The following LRCH3 variants were observed in gnomAD, a reference collection of about 807,000 sequenced individuals.
LRCH3 encodes DISP complex protein LRCH3.
Under a neutral mutation model 104.5 loss-of-function variants are expected in LRCH3, and 68 were observed. That is an observed-to-expected ratio of 0.65 (90% CI 0.54 to 0.80). The LOEUF (loss-of-function observed/expected upper bound fraction) is 0.80. LRCH3 is among the 30% of genes least tolerant of loss of function. The pLI is 0.00. For missense variants in LRCH3, 951 were observed against 953.9 expected, an observed-to-expected ratio of 1.00 and a Z score of 0.04; for synonymous variants, 344 against 361.3, an observed-to-expected ratio of 0.95 and a Z score of 0.54.
rs60914773 is a variant in LRCH3 at position 197,801,104 on chromosome 3, A to AAAAAAG, written c.262+9565_262+9566insAAAAGA. 2.4e-3 allele frequency among the ~76,000 whole-genome samples: 360 copies of AAAAAAG among 147,772 alleles called. 5 individuals are homozygous for AAAAAAG. Among genetic ancestry groups the AAAAAAG allele is most frequent in the Middle Eastern group, 7.1e-3 (2 of 282 alleles). On this transcript the variant is annotated intron_variant, in intron 1 of 20. Transcript: ENST00000425562. ...AGTGAGACTCCATCTCAAAAAAAAAAACAAGAAAATGGATGAGCTATAACT... is the reference window on the plus strand; with the variant it reads ...AGTGAGACTCCATCTCAAAAAAAAAAAAAAAGACAAGAAAATGGATGAGCTATAACT...
intron 4 of LRCH3, among the ~76,000 whole-genome samples, chr3:197,820,966 A>T (rs927815718): frequency 6.9e-6 from 1 of 145,976 alleles, no homozygotes; most frequent in African/African-American, 2.5e-5. Flanking sequence ...AGCCTCTTCA[A>T]TGAAAAGGTT....
chr3:197,849,115 T>G (rs1329456299), intron 12 of LRCH3, among the ~76,000 whole-genome samples: 2 of 151,796 alleles, frequency 1.3e-5, no homozygotes, highest in Non-Finnish European at 2.9e-5. Flanking sequence ...AATAAAAAAA[T>G]TAGCTGGGCG....
chr3:197,843,750 T>G (rs574502775), intron 10 of LRCH3, among the ~76,000 whole-genome samples: 1 of 152,358 alleles, frequency 6.6e-6, no homozygotes, highest in African/African-American at 2.4e-5. Context: ...AGTTCAAGAT[T>G]TAAAGGAGAT....
chr3:197,817,592 G>A (rs1430424400), intron 3 of LRCH3, among the ~76,000 whole-genome samples: 1 of 151,120 alleles, frequency 6.6e-6, no homozygotes, highest in African/African-American at 2.4e-5. Flanking sequence ...ATTAGAATTA[G>A]GTTCTAACCA....
At position 197,791,310 on chromosome 3, in the gene LRCH3, C is replaced by T. The variant is rs767788506; in HGVS notation, c.32C>T (p.Ala11Val). 3.1e-6 allele frequency: 5 copies of T among 1,608,828 alleles called. No homozygotes were observed. The highest frequency in any genetic ancestry group is 4.2e-6 in the Non-Finnish European group (5 of 1,178,724). The change falls in exon 1 of 21, where the codon GCG (alanine) becomes GTG (valine). Residue 11 changes from alanine to valine, a missense_variant. Coordinates refer to ENST00000425562, the MANE Select transcript of LRCH3 (RefSeq NM_001365715.1). MAAAGLVAVA[A>V]AAEYSGTVAS... The stretch of plus-strand genomic sequence containing the variant: ...GCCGCGGGCTTGGTCGCTGTGGCAG[C>T]GGCTGCCGAGTACTCTGGCACGGTA...
At chr3:197,836,905 T>C (rs1240588823) in intron 9 of LRCH3, among the ~76,000 whole-genome samples, 1 of 152,146 alleles carries the variant, frequency 6.6e-6, no homozygotes, top group Non-Finnish European at 1.5e-5. Flanking sequence ...CTCAAACTCC[T>C]GACCTCGGGT....
In LRCH3 at chr3:197,810,083, A is replaced by G. The variant is rs980815913; in HGVS notation, c.263-4825A>G. On this transcript the variant is annotated intron_variant, in intron 1 of 20. Coordinates refer to ENST00000425562, the MANE Select transcript of LRCH3 (RefSeq NM_001365715.1). The surrounding 1 kb of genome is among the most constrained non-coding windows in gnomAD (Gnocchi z 4.0). Reference sequence around the variant, plus strand: ...TTTTTTTCCAGTTTTTTTCTGAGATATTTGGGTGGAATAGAGCAGTTATTA... The same window carrying G: ...TTTTTTTCCAGTTTTTTTCTGAGATGTTTGGGTGGAATAGAGCAGTTATTA... Among the ~76,000 whole-genome samples, 4 of 151,966 alleles carry G rather than the reference A, an allele frequency of 2.6e-5. No homozygotes were observed. Among genetic ancestry groups the G allele is most frequent in the Admixed American group, 1.3e-4 (2 of 15,260 alleles).
intron 17 of LRCH3, among the ~76,000 whole-genome samples, chr3:197,867,660 TGGCTAACAC>T (rs1711515491): frequency 6.6e-6 from 1 of 150,714 alleles, no homozygotes; most frequent in South Asian, 2.1e-4. Flanking sequence ...GAGACCATCC[TGGCTAACAC>T]GGTGAAACCC....
At chr3:197,840,295 G>A (rs906674677) in intron 10 of LRCH3, among the ~76,000 whole-genome samples, 1 of 152,056 alleles carries the variant, frequency 6.6e-6, no homozygotes, top group African/African-American at 2.4e-5. Context: ...AAAAATAGCT[G>A]GGTGTGGTGG....
chr3:197,815,124 A>G (rs1388814775), intron 2 of LRCH3, 72 bp downstream of exon 2: 2 of 855,706 alleles, frequency 2.3e-6, no homozygotes, highest in Non-Finnish European at 3.5e-6. Flanking sequence ...TTTCCCTAAA[A>G]TATTTACCTA....
At chr3:197,792,679 C>T (rs979716144) in intron 1 of LRCH3, among the ~76,000 whole-genome samples, 3 of 135,488 alleles carry the variant, frequency 2.2e-5, no homozygotes, top group East Asian at 2.2e-4. Flanking sequence ...GAGACGGTAT[C>T]TCGCTCTTGT....
chr3:197,791,380 CG>C lies in LRCH3; in HGVS notation c.106del (p.Ala36GlnfsTer27). 1 of 1,598,032 alleles carries C rather than the reference CG, an allele frequency of 6.3e-7. No individual in the cohort carries two copies. Among genetic ancestry groups the C allele is most frequent in the Non-Finnish European group, 8.5e-7 (1 of 1,173,826 alleles). On this transcript the variant is annotated frameshift_variant, in exon 1 of 21. Transcript: ENST00000425562. LOFTEE classifies it high-confidence loss of function. ...LPGVHCGPSS[G>X]AGPGFGPGSW... Reference sequence around the variant, plus strand: ...CTGGTGTTCACTGCGGCCCAAGCTCCGGGGCAGGCCCTGGTTTTGGCCCGGG... The same window carrying C: ...CTGGTGTTCACTGCGGCCCAAGCTCCGGGCAGGCCCTGGTTTTGGCCCGGG...
chr3:197,799,664 T>G (rs1274509533), intron 1 of LRCH3, among the ~76,000 whole-genome samples: 1 of 150,752 alleles, frequency 6.6e-6, no homozygotes, highest in African/African-American at 2.4e-5. Context: ...ATCAGGAGTT[T>G]GAGACCAACC....
intron 12 of LRCH3, among the ~76,000 whole-genome samples, chr3:197,851,824 G>T (rs1739640707): frequency 6.6e-6 from 1 of 152,138 alleles, no homozygotes; most frequent in Admixed American, 6.5e-5. Flanking sequence ...TGAAAAAAAA[G>T]AAGCTCCCAA....
At chr3:197,847,350 G>T in intron 10 of LRCH3, 59 bp from the exon 11 acceptor site, 1 of 1,424,006 alleles carries the variant, frequency 7.0e-7, no homozygotes, top group Non-Finnish European at 9.6e-7. Flanking sequence ...TGTTTTTTAT[G>T]TATCTGTTTG....
chr3:197,846,366 T>C (rs1289618821), intron 10 of LRCH3, among the ~76,000 whole-genome samples: 4 of 140,976 alleles, frequency 2.8e-5, no homozygotes, highest in Admixed American at 2.2e-4. Context: ...ATCACGGCAT[T>C]GCACTCCACC....
At chr3:197,800,796 A>T (rs1432609667) in intron 1 of LRCH3, among the ~76,000 whole-genome samples, 1 of 152,172 alleles carries the variant, frequency 6.6e-6, no homozygotes, top group Non-Finnish European at 1.5e-5. Flanking sequence ...GGATAAATCA[A>T]TTGTGTGAAA....
intron 8 of LRCH3, among the ~76,000 whole-genome samples, chr3:197,835,152 A>C (rs1025715484): frequency 6.6e-6 from 1 of 152,136 alleles, no homozygotes; most frequent in African/African-American, 2.4e-5. Context: ...TCAAAAAAAC[A>C]AAACAAAATA....
intron 18 of LRCH3, 44 bp from the exon 19 acceptor site, chr3:197,871,281 A>C: frequency 6.9e-7 from 1 of 1,439,474 alleles, no homozygotes; most frequent in Non-Finnish European, 9.8e-7. Context: ...CCTATATGTC[A>C]GTCTTTCTTC....
Sources: gnomAD v4.1 joint callset for allele counts (sites outside exome capture counted in the v4.1 genomes callset) on GRCh38, gnomAD v4.1.1 for gene constraint, Gnocchi (gnomAD v3.1) non-coding constraint, MANE v1.5 for transcripts, NCBI Gene and HGNC (gene_info 2026-07-23, HGNC 2026-07-21) for gene names.